The following PRSS55 variants were observed in gnomAD, a reference collection of about 807,000 sequenced individuals.
PRSS55 encodes serine protease 55.
Under a neutral mutation model 23.6 loss-of-function variants are expected in PRSS55, and 41 were observed. The ratio of observed to expected loss-of-function variants is 1.74; its 90% confidence interval spans 1.35 to 2.26. The LOEUF (loss-of-function observed/expected upper bound fraction) is 2.26, where lower values mean the gene tolerates loss of function less well. PRSS55 is among the 30% of genes most tolerant of loss of function. PRSS55 has a pLI of 0.00. For missense variants in PRSS55, 669 were observed against 439.1 expected, an observed-to-expected ratio of 1.52 and a Z score of -4.68; for synonymous variants, 262 against 175.5, an observed-to-expected ratio of 1.49 and a Z score of -3.90.
Position 10,531,350 on chromosome 8 carries a change from G to A in PRSS55, c.403G>A (p.Glu135Lys), listed in dbSNP as rs749024116. 6.2e-7 allele frequency: 1 copy of A among 1,614,166 alleles called. No individual in the cohort carries two copies. The highest frequency in any genetic ancestry group is 1.1e-5 in the South Asian group (1 of 91,090). Residue 135 changes from glutamate (E) to lysine (K), a missense_variant, in exon 3 of 5, where the codon GAA (glutamate) becomes AAA (lysine). By Grantham distance (56) the Glu-to-Lys change is moderately conservative (BLOSUM62 1). Transcript: ENST00000328655. ...GTNDLTSPSM[E>K]IKEVASIILH... is the part of the protein sequence containing the mutation. ...CAACGACTTAACTAGCCCATCCATG[G>A]AAATAAAGGAGGTCGCCAGCATCAT...
chr8:10,553,869 TAAATC>T (rs547884623), intron 4 of PRSS55: 9 of 1,011,574 alleles, frequency 8.9e-6, no homozygotes, highest in Non-Finnish European at 1.3e-5. Flanking sequence ...AATGTATACA[TAAATC>T]AAAGCACCAC....
chr8:10,548,037 T>C (rs899474605), intron 4 of PRSS55, among the ~76,000 whole-genome samples: 2 of 152,006 alleles, frequency 1.3e-5, no homozygotes, highest in Non-Finnish European at 2.9e-5. Context: ...AGCAGAGACC[T>C]GGAGGACAGG....
rs115025338 is a variant in PRSS55 at position 10,545,724 on chromosome 8, C to T, written c.742-8219C>T. Among the ~76,000 whole-genome samples, 548 of 152,284 alleles carry T rather than the reference C, an allele frequency of 3.6e-3. 3 individuals are homozygous for T. Among genetic ancestry groups the T allele is most frequent in the African/African-American group, 0.012 (494 of 41,546 alleles). ...TCGTAAATCATCGTTTGAATTGAGA[C>T]TGTAGAGACATGTGTTATTCATTGT... On this transcript the variant is annotated intron_variant, in intron 4 of 4. Transcript: ENST00000522210.
At chr8:10,537,191 G>C (rs1812486082) in intron 4 of PRSS55, among the ~76,000 whole-genome samples, 2 of 152,170 alleles carry the variant, frequency 1.3e-5, no homozygotes, top group Non-Finnish European at 1.5e-5. Context: ...TTTTATAGGA[G>C]CACTATTCAC....
At chr8:10,538,377 T>A (rs1213358861) in intron 4 of PRSS55, 99 bp from the exon 5 acceptor site, 1 of 939,912 alleles carries the variant, frequency 1.1e-6, no homozygotes, top group Non-Finnish European at 1.6e-6. Context: ...GCAGCCAGAG[T>A]TGGGGAGGCT....
intron 1 of PRSS55, among the ~76,000 whole-genome samples, chr8:10,526,687 G>A (rs1249295790): frequency 1.3e-5 from 2 of 152,186 alleles, no homozygotes; most frequent in South Asian, 2.1e-4. Flanking sequence ...AAGAATGTGG[G>A]GGATGGATCC....
At position 10,538,632 on chromosome 8, in the gene PRSS55, CAG is replaced by C. The variant is rs1563543597; in HGVS notation, c.899_900del (p.Gln300ProfsTer57). 3.1e-6 allele frequency: 5 copies of C among 1,614,132 alleles called. No homozygotes were observed. The highest frequency in any genetic ancestry group is 4.2e-6 in the Non-Finnish European group (5 of 1,180,000). ...NYNLWIEKVT[Q>X]LEGRPFNAEK... ...CAACCTCTGGATCGAGAAAGTGACC[CAG>C]CTAGAGGGCAGGCCCTTCAATGCAG... On this transcript the variant is annotated frameshift_variant, in exon 5 of 5. Transcript: ENST00000328655. LOFTEE classifies it low-confidence loss of function (END_TRUNC).
chr8:10,530,232 G>T (rs534748958), intron 2 of PRSS55, among the ~76,000 whole-genome samples: 10 of 152,370 alleles, frequency 6.6e-5, no homozygotes, highest in African/African-American at 2.4e-4. Context: ...CACTTCGGGA[G>T]GCTGAGGCAG....
At chr8:10,542,705 T>C (rs1812692106), downstream of PRSS55, among the ~76,000 whole-genome samples, 1 of 144,184 alleles carries the variant, frequency 6.9e-6, no homozygotes, top group Admixed American at 7.3e-5. Context: ...CCATCTCAAC[T>C]AAAAATACAA....
intron 1 of PRSS55, among the ~76,000 whole-genome samples, chr8:10,528,887 C>T (rs899121169): frequency 5.3e-5 from 8 of 152,206 alleles, no homozygotes; most frequent in Non-Finnish European, 1.2e-4. Context: ...CCCCTGCCTT[C>T]ATCTTCAAAG....
chr8:10,551,602 A>C (rs1160666747), intron 4 of PRSS55, among the ~76,000 whole-genome samples: 1 of 152,238 alleles, frequency 6.6e-6, no homozygotes, highest in African/African-American at 2.4e-5. Flanking sequence ...GGGGCACCCC[A>C]CAGAGGGGCT....
chr8:10,541,604 A>G (rs1315954592), downstream of PRSS55: 1 of 151,976 alleles, frequency 6.6e-6, no homozygotes, highest in Admixed American at 6.6e-5. Context: ...ACCTATATCT[A>G]TATTTATATC....
downstream of PRSS55, chr8:10,540,858 T>C (rs933843505): frequency 2.0e-5 from 3 of 152,314 alleles, no homozygotes; most frequent in Admixed American, 2.0e-4. Context: ...GCAGGCCCAG[T>C]GGAGGGTGGC....
chr8:10,532,857 G>C (rs778032334), intron 3 of PRSS55, 49 bp from the exon 4 acceptor site: 2 of 1,610,908 alleles, frequency 1.2e-6, no homozygotes, highest in Non-Finnish European at 1.7e-6. Context: ...CACGAACGTG[G>C]GGACATGAGG....
chr8:10,551,384 C>G (rs1563552071), intron 4 of PRSS55, among the ~76,000 whole-genome samples: 1 of 152,218 alleles, frequency 6.6e-6, no homozygotes, highest in African/African-American at 2.4e-5. Flanking sequence ...CAGTTCTTTT[C>G]TTTGTGCTGG....
At position 10,538,481 on chromosome 8, in the gene PRSS55, C is replaced by T. The variant is rs1176621315; in HGVS notation, c.747C>T (p.Asp249=). The T allele has an allele frequency of 3.1e-6, 5 of 1,611,654 alleles. No homozygotes were observed. The highest frequency in any genetic ancestry group is 2.2e-5 in the East Asian group (1 of 44,862). ...GCTGTGTTCTCTGCCCACAGGGTGA[C>T]AGTGGGGGGCCTCTGGTCTGCACCC... ...KNESYDACKG[D]SGGPLVCTPE... Residue 249 remains aspartate (D), a synonymous_variant, in exon 5 of 5, where the codon GAC becomes GAT. Coordinates refer to ENST00000328655, the MANE Select transcript of PRSS55 (RefSeq NM_198464.4).
intron 4 of PRSS55, among the ~76,000 whole-genome samples, chr8:10,552,801 T>C (rs1409337985): frequency 2.0e-5 from 3 of 152,164 alleles, no homozygotes; most frequent in Non-Finnish European, 1.5e-5. Context: ...GAAAGGGGAA[T>C]GTTTGTACTC....
chr8:10,553,446 CAATA>C (rs2117090579), intron 4 of PRSS55, among the ~76,000 whole-genome samples: 1 of 152,232 alleles, frequency 6.6e-6, no homozygotes, highest in East Asian at 1.9e-4. Context: ...TATATGTACA[CAATA>C]AAATACTACT....
intron 2 of PRSS55, among the ~76,000 whole-genome samples, chr8:10,530,673 C>G (rs149438568): frequency 1.3e-5 from 2 of 152,178 alleles, no homozygotes; most frequent in African/African-American, 4.8e-5. Context: ...TTCTGCCACA[C>G]CAGCTCAAGG....
Sources: allele counts gnomAD v4.1 joint callset (sites outside exome capture counted in the v4.1 genomes callset), GRCh38; gene constraint gnomAD v4.1.1; transcripts MANE v1.5; gene names NCBI Gene and HGNC (gene_info 2026-07-23, HGNC 2026-07-21).